MYRIP: variants seen among roughly 807,000 people sequenced by gnomAD.
The protein encoded by MYRIP is rab effector MyRIP.
MYRIP carries 49 observed loss-of-function variants against 98.0 expected under a neutral mutation model. That is an observed-to-expected ratio of 0.50 (90% CI 0.40 to 0.63). The LOEUF (loss-of-function observed/expected upper bound fraction) is 0.63. MYRIP is among the 30% of genes least tolerant of loss of function. The probability of loss-of-function intolerance (pLI) is 0.00; values close to 1 mark genes in which losing one functional copy is unlikely to be tolerated. For missense variants in MYRIP, 1,004 were observed against 1,058.2 expected (o/e 0.95, Z 0.71); for synonymous variants, 404 against 409.5 (o/e 0.99, Z 0.16).
At chr3:39,896,688 C>G (rs1411058735) in intron 1 of MYRIP, among the ~76,000 whole-genome samples, 1 of 152,142 alleles carries the variant, frequency 6.6e-6, no homozygotes, top group Non-Finnish European at 1.5e-5. Flanking sequence ...CTCTTTATAT[C>G]AGGTGCATTA....
At chr3:39,816,874 T>C (rs897942728) in intron 1 of MYRIP, among the ~76,000 whole-genome samples, 2 of 152,222 alleles carry the variant, frequency 1.3e-5, no homozygotes, top group Non-Finnish European at 2.9e-5. Flanking sequence ...CCAAACCTTA[T>C]AAAATATTCA....
intron 2 of MYRIP, among the ~76,000 whole-genome samples, chr3:39,919,181 T>A (rs1944243354): frequency 6.6e-6 from 1 of 152,256 alleles, no homozygotes; most frequent in Non-Finnish European, 1.5e-5. Context: ...CTTCCCAGGC[T>A]GGTCTGAGTC....
chr3:40,203,869 A>G (rs1275302807), intron 10 of MYRIP, among the ~76,000 whole-genome samples: 1 of 14,892 alleles, frequency 6.7e-5, no homozygotes, highest in Non-Finnish European at 1.3e-4. Flanking sequence ...ATATATATTT[A>G]TATATTTATA....
chr3:39,979,650 C>CAAAAAAAAA (rs1400253573), intron 2 of MYRIP, among the ~76,000 whole-genome samples: 5 of 79,028 alleles, frequency 6.3e-5, no homozygotes, highest in East Asian at 2.6e-4. Flanking sequence ...AAAACCAAAA[C>CAAAAAAAAA]AAAACAAAAA....
intron 2 of MYRIP, among the ~76,000 whole-genome samples, chr3:39,912,170 G>A (rs1033090929): frequency 2.4e-4 from 37 of 152,156 alleles, no homozygotes; most frequent in African/African-American, 7.0e-4. Flanking sequence ...CTCCTCTATC[G>A]GTGGGTGTGG....
intron 3 of MYRIP, among the ~76,000 whole-genome samples, chr3:40,107,512 G>A (rs2125898271): frequency 6.6e-6 from 1 of 152,302 alleles, no homozygotes; most frequent in African/African-American, 2.4e-5. Context: ...GCTGATCTTG[G>A]AGGTCTTCTT....
intron 3 of MYRIP, among the ~76,000 whole-genome samples, chr3:40,064,489 T>A (rs1037838043): frequency 2.0e-5 from 3 of 152,220 alleles, no homozygotes; most frequent in Non-Finnish European, 4.4e-5. Context: ...CCCCACTCTG[T>A]TGTGCTTAAG....
intron 11 of MYRIP, among the ~76,000 whole-genome samples, chr3:40,230,421 GTTTT>G: frequency 6.6e-6 from 1 of 152,170 alleles, no homozygotes; most frequent in East Asian, 1.9e-4. Flanking sequence ...CTAAATATAA[GTTTT>G]TTAACATAGT....
intron 3 of MYRIP, among the ~76,000 whole-genome samples, chr3:40,140,261 C>T (rs779498300): frequency 9.2e-5 from 14 of 152,170 alleles, no homozygotes; most frequent in African/African-American, 1.2e-4. Context: ...TAGCAACATA[C>T]GAGAGATCCA....
intron 4 of MYRIP, among the ~76,000 whole-genome samples, chr3:40,155,134 C>G (rs1308383847): frequency 6.9e-6 from 1 of 145,462 alleles, no homozygotes; most frequent in Non-Finnish European, 1.5e-5. Context: ...AACGCTATCC[C>G]TCCACCCTCC....
chr3:40,125,981 C>A lies in MYRIP; in HGVS notation c.333-25067C>A, dbSNP rs74392249. ...AGATTCTCAGCCTCTCTTGACTTTT[C>A]AGAACTGATTGCTCTGACTCTGTGC... On this transcript the variant is annotated intron_variant, in intron 3 of 16. Coordinates refer to ENST00000302541, the MANE Select transcript of MYRIP (RefSeq NM_015460.4). Among the ~76,000 whole-genome samples the A allele has an allele frequency of 1.3e-3, 204 of 152,310 alleles. No homozygotes were observed. The East Asian group carries it at 0.037, about 28-fold the overall frequency.
At chr3:39,871,683 T>A (rs560192467) in intron 1 of MYRIP, among the ~76,000 whole-genome samples, 1 of 152,248 alleles carries the variant, frequency 6.6e-6, no homozygotes, top group Non-Finnish European at 1.5e-5. Context: ...ATAGCTACTA[T>A]CATTATTATT....
chr3:40,151,270 A>C (rs578058341), intron 4 of MYRIP, 86 bp downstream of exon 4: 315 of 1,425,466 alleles, frequency 2.2e-4, no homozygotes, highest in Non-Finnish European at 2.7e-4. Flanking sequence ...ACTGGAGCAC[A>C]CTCACCTGGG....
chr3:39,997,245 G>A (rs1946384271), intron 2 of MYRIP, among the ~76,000 whole-genome samples: 1 of 152,146 alleles, frequency 6.6e-6, no homozygotes, highest in African/African-American at 2.4e-5. Context: ...GAATCTAGGA[G>A]CTGGTTTTTT....
intron 3 of MYRIP, among the ~76,000 whole-genome samples, chr3:40,143,724 A>G (rs555151830): frequency 4.6e-5 from 7 of 152,356 alleles, no homozygotes; most frequent in Admixed American, 2.6e-4. Context: ...ATATATATAC[A>G]TTATGGAATA....
chr3:40,158,740 C>T (rs1232817772), intron 4 of MYRIP, among the ~76,000 whole-genome samples: 1 of 151,330 alleles, frequency 6.6e-6, no homozygotes, highest in Admixed American at 6.6e-5. Flanking sequence ...GATCCCTTTA[C>T]CATTATGTAA....
chr3:40,005,322 T>G (rs1946608356), intron 2 of MYRIP, among the ~76,000 whole-genome samples: 1 of 152,218 alleles, frequency 6.6e-6, no homozygotes, highest in Non-Finnish European at 1.5e-5. Flanking sequence ...CCTGGCAGAG[T>G]GCTGTGAGAA....
chr3:40,051,184 A>G (rs1409636746), intron 3 of MYRIP, among the ~76,000 whole-genome samples: 4 of 152,152 alleles, frequency 2.6e-5, no homozygotes, highest in African/African-American at 9.7e-5. Flanking sequence ...TGCTACAGAG[A>G]ACTCTTTCAT....
intron 11 of MYRIP, among the ~76,000 whole-genome samples, chr3:40,211,887 G>A (rs1389771632): frequency 2.0e-5 from 3 of 151,838 alleles, no homozygotes; most frequent in African/African-American, 7.3e-5. Flanking sequence ...AGCTACTGGG[G>A]GGACTTCCTG....
Sources: allele counts gnomAD v4.1 joint callset (sites outside exome capture counted in the v4.1 genomes callset), GRCh38; gene constraint gnomAD v4.1.1; transcripts MANE v1.5; gene names NCBI Gene and HGNC (gene_info 2026-07-23, HGNC 2026-07-21).